The following CAPN7 variants were observed in gnomAD, a reference collection of about 807,000 sequenced individuals.
CAPN7 encodes the protein calpain-7.
Under a neutral mutation model 115.2 loss-of-function variants are expected in CAPN7, and 72 were observed. The ratio of observed to expected loss-of-function variants is 0.63; its 90% CI spans 0.52 to 0.76. CAPN7 has a LOEUF of 0.76. CAPN7 is among the 30% of genes least tolerant of loss of function. CAPN7 has a pLI of 0.00. For synonymous variants in CAPN7, 344 were observed against 322.3 expected (o/e 1.07, Z -0.72); for missense variants, 905 against 971.5 (o/e 0.93, Z 0.91).
At chr3:15,234,622 A>G (rs1694882115) in intron 11 of CAPN7, among the ~76,000 whole-genome samples, 1 of 152,232 alleles carries the variant, frequency 6.6e-6, no homozygotes, top group African/African-American at 2.4e-5. Context: ...TGGATAATCC[A>G]TATCCATTTA....
At chr3:15,209,018 C>CT (rs1009404397) in intron 1 of CAPN7, among the ~76,000 whole-genome samples, 23 of 150,748 alleles carry the variant, frequency 1.5e-4, no homozygotes, top group Middle Eastern at 3.5e-3. Context: ...ATCTTTTTTC[C>CT]TTTTTTTTTG....
intron 1 of CAPN7, among the ~76,000 whole-genome samples, chr3:15,210,027 G>T (rs535679784): frequency 1.3e-5 from 2 of 152,100 alleles, no homozygotes; most frequent in African/African-American, 4.8e-5. Flanking sequence ...CAGAGACAGG[G>T]TCTCATTCTG....
chr3:15,218,540 G>A lies in CAPN7; in HGVS notation c.437G>A (p.Arg146Lys). ...LKQLARQALD[R>K]AEALSEPLTK... ...CAGTTGGCTCGACAGGCACTAGACAGGTGAGTTTGATCTCTCAAGTTCTAA... is the reference window on the plus strand; with the variant it reads ...CAGTTGGCTCGACAGGCACTAGACAAGTGAGTTTGATCTCTCAAGTTCTAA... Residue 146 changes from arginine (R) to lysine (K), a missense_variant and splice_region_variant, in exon 4 of 21, where the codon AGA becomes AAA. By Grantham distance (26) the Arg-to-Lys change is conservative. Around this residue, in one of 3 missense-constraint regions of CAPN7, gnomAD observed 271 missense variants for 239.6 expected, o/e 1.13. Transcript: ENST00000253693. 6.2e-7 allele frequency: 1 copy of A among 1,610,086 alleles called. No individual in the cohort carries two copies. The highest frequency in any genetic ancestry group is 8.5e-7 in the Non-Finnish European group (1 of 1,176,710).
chr3:15,218,128 T>A (rs970070294), intron 3 of CAPN7, among the ~76,000 whole-genome samples: 1 of 152,172 alleles, frequency 6.6e-6, no homozygotes, highest in African/African-American at 2.4e-5. Context: ...TGGCAGAGAC[T>A]TTTGCTCAGA....
At chr3:15,229,214 A>G (rs1694518742) in intron 8 of CAPN7, among the ~76,000 whole-genome samples, 155 bp downstream of exon 8, 2 of 152,244 alleles carry the variant, frequency 1.3e-5, no homozygotes, top group South Asian at 2.1e-4. Flanking sequence ...GAATGTGGAA[A>G]GATACGCTAA....
At chr3:15,221,159 ATATTT>A (rs532267982) in intron 5 of CAPN7, 178 bp downstream of exon 5, 21 of 487,536 alleles carry the variant, frequency 4.3e-5, no homozygotes, top group African/African-American at 1.4e-4. Context: ...TAGTTCTGAT[ATATTT>A]TATTTTATTT....
Position 15,252,162 on chromosome 3 carries a change from A to AC in CAPN7, c.*905dup, listed in dbSNP as rs1471273131. Reference sequence around the variant, plus strand: ...ATGTAAATTCCCACTTTACATAAAAACCCATCAGGACAGAATGATGCTCAA... The same window carrying AC: ...ATGTAAATTCCCACTTTACATAAAAACCCCATCAGGACAGAATGATGCTCAA... On this transcript the variant is annotated 3_prime_UTR_variant, in exon 21 of 21. Coordinates refer to ENST00000253693, the MANE Select transcript of CAPN7 (RefSeq NM_014296.3). 1 of 152,624 alleles carries AC rather than the reference A, an allele frequency of 6.6e-6. No individual in the cohort carries two copies. Among genetic ancestry groups the AC allele is most frequent in the East Asian group, 1.9e-4 (1 of 5,208 alleles). 9.5% of individuals were successfully genotyped at this position (152,624 alleles called of 1,614,324 possible). A position where few individuals can be genotyped will look rare whatever the true frequency, so the allele number is the denominator to read the frequency against.
chr3:15,233,081 A>C (rs140477953), intron 10 of CAPN7, among the ~76,000 whole-genome samples: 2 of 152,240 alleles, frequency 1.3e-5, no homozygotes, highest in African/African-American at 2.4e-5. Context: ...GACTTGAGCC[A>C]GAAAGAAATT....
intron 3 of CAPN7, among the ~76,000 whole-genome samples, 181 bp from the exon 4 acceptor site, chr3:15,218,292 G>A (rs17040851): frequency 0.12 from 17,947 of 152,178 alleles, 3,526 homozygotes; most frequent in African/African-American, 0.4. Context: ...GTGCACCTCA[G>A]TGACAAATTT....
At position 15,217,408 on chromosome 3, in the gene CAPN7, T is replaced by G. The variant is rs757870050; in HGVS notation, c.212-17T>G. ...TTTAGATAATACTCCTTCTGCGTAT[T>G]TTTTTTTCTATCCTAGTTCAGTCAA... On this transcript the variant is annotated splice_polypyrimidine_tract_variant and intron_variant, in intron 2 of 20. Transcript: ENST00000253693. 6.3e-7 allele frequency: 1 copy of G among 1,582,702 alleles called. No homozygotes were observed. Among genetic ancestry groups the G allele is most frequent in the Non-Finnish European group, 8.6e-7 (1 of 1,166,206 alleles).
chr3:15,246,947 A>G (rs1390775404), intron 18 of CAPN7, among the ~76,000 whole-genome samples, 153 bp downstream of exon 18: 1 of 152,240 alleles, frequency 6.6e-6, no homozygotes, highest in Admixed American at 6.5e-5. Flanking sequence ...GGAATACAAG[A>G]TCTTCAGTGA....
chr3:15,232,905 A>C (rs943607419), intron 10 of CAPN7, among the ~76,000 whole-genome samples: 6 of 152,168 alleles, frequency 3.9e-5, no homozygotes, highest in African/African-American at 1.4e-4. Context: ...TACAGTGTAC[A>C]TTTCCAGAGC....
chr3:15,221,678 A>G (rs1693998937), intron 5 of CAPN7, among the ~76,000 whole-genome samples: 1 of 152,058 alleles, frequency 6.6e-6, no homozygotes, highest in Admixed American at 6.6e-5. Flanking sequence ...ACTTTGAAAT[A>G]GGAGTGTAGG....
intron 12 of CAPN7, among the ~76,000 whole-genome samples, chr3:15,236,783 C>A (rs1695017779): frequency 6.6e-6 from 1 of 152,078 alleles, no homozygotes; most frequent in South Asian, 2.1e-4. Context: ...CATAGAAAAA[C>A]ACAGTAAAAA....
intron 19 of CAPN7, among the ~76,000 whole-genome samples, chr3:15,248,698 T>A (rs1695817276): frequency 3.3e-5 from 5 of 152,124 alleles, no homozygotes; most frequent in Admixed American, 3.3e-4. Flanking sequence ...GTTTAAAAAA[T>A]ATAGAGAATA....
intron 2 of CAPN7, among the ~76,000 whole-genome samples, chr3:15,213,720 TCTTA>T (rs1334859300): frequency 6.6e-6 from 1 of 152,190 alleles, no homozygotes; most frequent in African/African-American, 2.4e-5. Flanking sequence ...TAAAAATTAT[TCTTA>T]CTTTATATTA....
At chr3:15,228,891 G>C in intron 7 of CAPN7, 83 bp from the exon 8 acceptor site, 1 of 976,964 alleles carries the variant, frequency 1.0e-6, no homozygotes, top group Admixed American at 2.0e-5. Context: ...TAAAAAGTAG[G>C]TACTTGGGGC....
chr3:15,233,431 C>G (rs1271146687), intron 10 of CAPN7, among the ~76,000 whole-genome samples: 5 of 152,154 alleles, frequency 3.3e-5, no homozygotes, highest in African/African-American at 1.2e-4. Context: ...CCTATACTTT[C>G]AATTGCTCTA....
chr3:15,237,134 T>A (rs1695038161), intron 12 of CAPN7, among the ~76,000 whole-genome samples: 1 of 152,260 alleles, frequency 6.6e-6, no homozygotes, highest in Non-Finnish European at 1.5e-5. Flanking sequence ...TTTTTTACTT[T>A]ATAAACTTTA....
Sources: allele counts gnomAD v4.1 joint callset (sites outside exome capture counted in the v4.1 genomes callset), GRCh38; gene constraint gnomAD v4.1.1; regional missense constraint gnomAD v4.1.1; transcripts MANE v1.5; gene names NCBI Gene and HGNC (gene_info 2026-07-23, HGNC 2026-07-21).